Variants in GPR137C observed in about 807,000 individuals in gnomAD.
GPR137C encodes integral membrane protein GPR137C.
In GPR137C, 27 loss-of-function variants were observed where a neutral mutation model predicts 43.4. That is an observed-to-expected ratio of 0.62 (90% CI 0.46 to 0.86). The LOEUF (loss-of-function observed/expected upper bound fraction) is 0.86, where lower values mean the gene tolerates loss of function less well. GPR137C is among the 40% of genes least tolerant of loss of function. The probability of loss-of-function intolerance (pLI) is 0.00; values close to 1 mark genes in which losing one functional copy is unlikely to be tolerated. For missense variants in GPR137C, 522 were observed against 534.6 expected (o/e 0.98, Z 0.23); for synonymous variants, 285 against 226.9 (o/e 1.26, Z -2.30).
At position 52,636,325 on chromosome 14, in the gene GPR137C, A is replaced by G. The variant is rs1455537056; in HGVS notation, c.*1210A>G. ...GTCTTAAATGTCCTATCCCAAATCT[A>G]AAAAAAAAGAAAATGGCAGGCTGAG... On this transcript the variant is annotated 3_prime_UTR_variant, in exon 7 of 7. Coordinates refer to ENST00000321662, the MANE Select transcript of GPR137C (RefSeq NM_001099652.2). 2.0e-5 allele frequency: 3 copies of G among 151,006 alleles called. No homozygotes were observed. Among genetic ancestry groups the G allele is most frequent in the African/African-American group, 7.3e-5 (3 of 41,140 alleles). The allele number at this position is 151,006 out of a possible 1,614,324, so 9.4% of individuals were successfully genotyped here. A position where few individuals can be genotyped will look rare whatever the true frequency, so the allele number is the denominator to read the frequency against.
intron 1 of GPR137C, among the ~76,000 whole-genome samples, chr14:52,566,683 T>C (rs978824365): frequency 6.6e-6 from 1 of 152,218 alleles, no homozygotes; most frequent in Non-Finnish European, 1.5e-5. Context: ...GATTACCTGC[T>C]AGGAGCATTA....
intron 1 of GPR137C, among the ~76,000 whole-genome samples, chr14:52,568,981 CACTTTGCCTCCTGACT>C (rs1317623618): frequency 6.6e-6 from 1 of 152,218 alleles, no homozygotes; most frequent in Non-Finnish European, 1.5e-5. Flanking sequence ...GGTCCCTGAC[CACTTTGCCTCCTGACT>C]GGGAGATACC....
chr14:52,601,754 G>C (rs2038928569), intron 3 of GPR137C, among the ~76,000 whole-genome samples: 1 of 151,932 alleles, frequency 6.6e-6, no homozygotes, highest in Non-Finnish European at 1.5e-5. Context: ...ATTCATACCT[G>C]TTGCTTGTCT....
intron 1 of GPR137C, among the ~76,000 whole-genome samples, chr14:52,589,516 G>T (rs1302830245): frequency 1.3e-5 from 2 of 152,120 alleles, no homozygotes; most frequent in African/African-American, 2.4e-5. Flanking sequence ...CAATTAAAAG[G>T]CTGCTGTAAT....
In GPR137C at chr14:52,575,200, T is replaced by G. The variant is rs567816567; in HGVS notation, c.444+21609T>G. Among the ~76,000 whole-genome samples the G allele has an allele frequency of 5.9e-5, 9 of 152,272 alleles. No individual in the cohort carries two copies. In the South Asian group the frequency reaches 1.9e-3, roughly 32 times the overall value. ...CAAATTTTTCTTCTCACCCATAAAT[T>G]TAATACTTCACTCCTGAAAATTTTA... is the stretch of plus-strand genomic sequence containing the variant. On this transcript the variant is annotated intron_variant, in intron 1 of 6. Coordinates refer to ENST00000321662, the MANE Select transcript of GPR137C (RefSeq NM_001099652.2).
chr14:52,621,781 G>T (rs1022957689), intron 3 of GPR137C, among the ~76,000 whole-genome samples: 4 of 151,364 alleles, frequency 2.6e-5, no homozygotes, highest in Non-Finnish European at 5.9e-5. Flanking sequence ...TTGGCCTCAA[G>T]ACCCCATCAC....
At chr14:52,584,208 C>T (rs1427189079) in intron 1 of GPR137C, among the ~76,000 whole-genome samples, 1 of 152,058 alleles carries the variant, frequency 6.6e-6, no homozygotes, top group Non-Finnish European at 1.5e-5. Context: ...AATGTGTCAA[C>T]CTAAAATAAC....
chr14:52,596,872 A>G (rs757197171), intron 1 of GPR137C: 31 of 453,228 alleles, frequency 6.8e-5, no homozygotes, highest in Middle Eastern at 6.8e-4. Context: ...AGGTACCTCA[A>G]TTGGAAATGC....
intron 1 of GPR137C, among the ~76,000 whole-genome samples, chr14:52,576,319 G>C (rs547086132): frequency 6.6e-6 from 1 of 152,314 alleles, no homozygotes; most frequent in South Asian, 2.1e-4. Context: ...CGTTATAGCT[G>C]AGTAGCATTC....
chr14:52,593,329 G>A (rs1297451702), intron 1 of GPR137C, among the ~76,000 whole-genome samples: 1 of 152,142 alleles, frequency 6.6e-6, no homozygotes, highest in African/African-American at 2.4e-5. Context: ...TTTGTGTCGG[G>A]ATGATGCTGG....
At chr14:52,586,469 C>T (rs887369694) in intron 1 of GPR137C, among the ~76,000 whole-genome samples, 24 of 152,186 alleles carry the variant, frequency 1.6e-4, no homozygotes, top group African/African-American at 5.8e-4. Context: ...TTTTCTTAAT[C>T]ATTTCTGACG....
chr14:52,589,464 TATC>T (rs902804551), intron 1 of GPR137C, among the ~76,000 whole-genome samples: 10 of 152,192 alleles, frequency 6.6e-5, no homozygotes, highest in African/African-American at 9.6e-5. Flanking sequence ...AATGAACAGT[TATC>T]ATCTGAAGAG....
intron 1 of GPR137C, among the ~76,000 whole-genome samples, chr14:52,564,315 T>C (rs1398554001): frequency 6.7e-6 from 1 of 150,144 alleles, no homozygotes; most frequent in Non-Finnish European, 1.5e-5. Context: ...GATTTCTCCA[T>C]TGGATCTAGT....
intron 3 of GPR137C, among the ~76,000 whole-genome samples, chr14:52,628,720 C>T (rs904196531): frequency 4.6e-5 from 7 of 152,078 alleles, no homozygotes; most frequent in Non-Finnish European, 8.8e-5. Context: ...CACTTGAACC[C>T]GGTAGACAGA....
At chr14:52,569,708 T>C (rs1453455989) in intron 1 of GPR137C, among the ~76,000 whole-genome samples, 2 of 151,718 alleles carry the variant, frequency 1.3e-5, no homozygotes, top group Non-Finnish European at 2.9e-5. Context: ...GAAGATCAAC[T>C]TAATGAAATA....
Position 52,570,337 on chromosome 14 carries a change from C to A in GPR137C, c.444+16746C>A, listed in dbSNP as rs113973448. On this transcript the variant is annotated intron_variant, in intron 1 of 6. Coordinates refer to ENST00000321662, the MANE Select transcript of GPR137C (RefSeq NM_001099652.2). ...CACCAGGCCTGCCTTACAAGAGCTTCTGAAGGAAGCACTAAATATGGAAAG... is the reference window on the plus strand; with the variant it reads ...CACCAGGCCTGCCTTACAAGAGCTTATGAAGGAAGCACTAAATATGGAAAG... Among the ~76,000 whole-genome samples, 1,008 of 152,284 alleles carry A rather than the reference C, an allele frequency of 6.6e-3. 14 individuals carry two copies. The highest frequency in any genetic ancestry group is 0.023 in the African/African-American group (953 of 41,544).
intron 2 of GPR137C, among the ~76,000 whole-genome samples, chr14:52,599,423 A>G (rs1242728881): frequency 6.8e-6 from 1 of 147,082 alleles, no homozygotes; most frequent in Non-Finnish European, 1.5e-5. Flanking sequence ...ACTCTTAAAA[A>G]TTTTTTTTTC....
chr14:52,555,312 T>G (rs2038176095), intron 1 of GPR137C, among the ~76,000 whole-genome samples: 1 of 152,174 alleles, frequency 6.6e-6, no homozygotes, highest in Admixed American at 6.5e-5. Context: ...TCTTGAGGTA[T>G]AACATATACA....
intron 3 of GPR137C, among the ~76,000 whole-genome samples, chr14:52,629,373 G>A (rs1261669585): frequency 6.6e-6 from 1 of 152,278 alleles, no homozygotes. Context: ...TAATCAGAAA[G>A]TGGAATTAGT....
Sources: gnomAD v4.1 joint callset for allele counts (sites outside exome capture counted in the v4.1 genomes callset) on GRCh38, gnomAD v4.1.1 for gene constraint, MANE v1.5 for transcripts, NCBI Gene and HGNC (gene_info 2026-07-23, HGNC 2026-07-21) for gene names.